The following TRPM3 variants were observed in gnomAD, a reference collection of about 807,000 sequenced individuals.
TRPM3 encodes long transient receptor potential channel 3.
In TRPM3, 77 loss-of-function variants were observed where a neutral mutation model predicts 181.2. That is an observed-to-expected ratio of 0.42 (90% CI 0.35 to 0.51). TRPM3 has a LOEUF of 0.51. TRPM3 is among the 20% of genes least tolerant of loss of function. The pLI, the probability that TRPM3 is intolerant of heterozygous loss-of-function variation, is 0.01. For missense variants in TRPM3, 1,759 were observed against 2,196.7 expected, an observed-to-expected ratio of 0.80 and a Z score of 3.98; for synonymous variants, 745 against 796.4, an observed-to-expected ratio of 0.94 and a Z score of 1.09.
At chr9:71,206,932 A>G (rs554860874) in intron 1 of TRPM3, among the ~76,000 whole-genome samples, 26 of 152,210 alleles carry the variant, frequency 1.7e-4, no homozygotes, top group Middle Eastern at 6.8e-3. Context: ...ACTTACATCA[A>G]GGACTAACTC....
At position 71,121,220 on chromosome 9, in the gene TRPM3, C is replaced by T. The variant is rs1366727244; in HGVS notation, c.135G>A (p.Lys45=). 1.2e-6 allele frequency: 2 copies of T among 1,614,134 alleles called. No individual in the cohort carries two copies. Among genetic ancestry groups the T allele is most frequent in the Admixed American group, 1.7e-5 (1 of 60,018 alleles). Residue 45 remains lysine, a synonymous_variant, in exon 1 of 26, where the codon AAG becomes AAA. Transcript: ENST00000677713. ...APRPLNWTIR[K]LCHAAFLPSV... The stretch of plus-strand genomic sequence containing the variant: ...ATGGAAGAAAGGCTGCGTGGCACAG[C>T]TTCCGGATGGTCCAGTTTAGGGGTC...
intron 1 of TRPM3, among the ~76,000 whole-genome samples, chr9:71,166,047 G>A (rs747325751): frequency 1.8e-4 from 28 of 152,090 alleles, no homozygotes; most frequent in South Asian, 4.1e-4. Context: ...GCATGTCAGC[G>A]GACACAGAAG....
chr9:70,673,678 C>T (rs980670151), intron 9 of TRPM3, among the ~76,000 whole-genome samples: 1 of 152,126 alleles, frequency 6.6e-6, no homozygotes, highest in African/African-American at 2.4e-5. Context: ...CCTGTAATCC[C>T]AGCACTTTGG....
rs111347020 is a variant in TRPM3 at position 71,294,688 on chromosome 9, C to T, written c.183+151965G>A. On this transcript the variant is annotated intron_variant, in intron 1 of 24. Transcript: ENST00000357533. ...TGTACTAGGAGACATGAGAAAATGTCCACAAAAACATCAGTCATTATAGCA... is the reference window on the plus strand; with the variant it reads ...TGTACTAGGAGACATGAGAAAATGTTCACAAAAACATCAGTCATTATAGCA... Among the ~76,000 whole-genome samples the T allele has an allele frequency of 2.6e-3, 399 of 152,152 alleles. 2 individuals carry two copies. Among genetic ancestry groups the T allele is most frequent in the Non-Finnish European group, 4.6e-3 (311 of 67,944 alleles).
rs116712594 is a variant in TRPM3 at position 71,339,051 on chromosome 9, G to T, written c.183+107602C>A. Among the ~76,000 whole-genome samples, 1,249 of 151,938 alleles carry T rather than the reference G, an allele frequency of 8.2e-3. 23 individuals carry two copies. The highest frequency in any genetic ancestry group is 0.029 in the African/African-American group (1,188 of 41,450). On this transcript the variant is annotated intron_variant, in intron 1 of 24. Coordinates refer to the TRPM3 transcript ENST00000357533. ...GATATAAACTTAGGATGCTAAAAAA[G>T]AATCAATACTTCTTACAGAGTAAGA...
At position 71,038,955 on chromosome 9, in the gene TRPM3, A is replaced by G. The variant is rs185953765; in HGVS notation, c.177+82223T>C. Among the ~76,000 whole-genome samples, 14 of 152,320 alleles carry G rather than the reference A, an allele frequency of 9.2e-5. No individual in the cohort carries two copies. The East Asian group carries it at 2.5e-3, about 27-fold the overall frequency. On this transcript the variant is annotated intron_variant, in intron 1 of 25. Coordinates refer to ENST00000677713, the MANE Select transcript of TRPM3 (RefSeq NM_001366145.2). Reference sequence around the variant, plus strand: ...CACGAGGCAGTGGTAAAACAGTATCACTATTTGACCCTGTCCTCAGTGCAT... The same window carrying G: ...CACGAGGCAGTGGTAAAACAGTATCGCTATTTGACCCTGTCCTCAGTGCAT...
chr9:70,560,659 C>T (rs936024957), intron 22 of TRPM3, among the ~76,000 whole-genome samples: 2 of 152,158 alleles, frequency 1.3e-5, no homozygotes, highest in Non-Finnish European at 2.9e-5. Flanking sequence ...GAAGAAGGAG[C>T]CAACGTGGGA....
chr9:71,323,455 A>C (rs1478979274), intron 1 of TRPM3, among the ~76,000 whole-genome samples: 1 of 152,106 alleles, frequency 6.6e-6, no homozygotes, highest in East Asian at 1.9e-4. Flanking sequence ...CAAATGAGAA[A>C]ATTGATCTGA....
At chr9:70,830,663 C>T (rs1173567781) in intron 5 of TRPM3, among the ~76,000 whole-genome samples, 2 of 152,114 alleles carry the variant, frequency 1.3e-5, no homozygotes, top group South Asian at 2.1e-4. Context: ...TGTGCTGAAT[C>T]GTGGAATAAT....
At chr9:70,881,612 G>A (rs552748075) in intron 1 of TRPM3, among the ~76,000 whole-genome samples, 5 of 152,314 alleles carry the variant, frequency 3.3e-5, no homozygotes, top group Admixed American at 2.6e-4. Flanking sequence ...AAGTACCATC[G>A]AGTGAGGTAG....
rs71367227 is a variant in TRPM3 at position 70,786,311 on chromosome 9, CAAAAAA to C, written c.974-2038_974-2033del. 8.7e-3 allele frequency among the ~76,000 whole-genome samples: 473 copies of C among 54,480 alleles called. 9 individuals are homozygous for C. The highest frequency in any genetic ancestry group is 0.031 in the African/African-American group (446 of 14,288). The allele number at this position is 54,480 out of a possible 152,430, so 35.7% of individuals were successfully genotyped here. On this transcript the variant is annotated intron_variant, in intron 6 of 25. Coordinates refer to ENST00000677713, the MANE Select transcript of TRPM3 (RefSeq NM_001366145.2). ...GAAACCCTGTCACTACTAAAAATAC[CAAAAAA>C]AAAAAAAAAAAAAAAAAATTAGCTG... is the stretch of plus-strand genomic sequence containing the variant.
At chr9:70,924,103 T>C (rs2096694547) in intron 1 of TRPM3, among the ~76,000 whole-genome samples, 1 of 152,056 alleles carries the variant, frequency 6.6e-6, no homozygotes, top group African/African-American at 2.4e-5. Flanking sequence ...TCTGCAGACA[T>C]TTTTGGTTGT....
rs191416504 is a variant in TRPM3 at position 70,773,665 on chromosome 9, A to G, written c.1148+10440T>C. ...AGCATTTTTCATAGGCAATTGCTCA[A>G]TTAGCTTGTCTCTCAGTCCAGATCC... On this transcript the variant is annotated intron_variant, in intron 7 of 25. Transcript: ENST00000677713. 5.3e-5 allele frequency among the ~76,000 whole-genome samples: 8 copies of G among 152,296 alleles called. No individual in the cohort carries two copies. The East Asian group carries it at 1.5e-3, about 29-fold the overall frequency.
At chr9:70,740,062 C>G (rs914890980) in intron 8 of TRPM3, among the ~76,000 whole-genome samples, 8 of 152,100 alleles carry the variant, frequency 5.3e-5, no homozygotes, top group Non-Finnish European at 1.0e-4. Context: ...GATCATATAC[C>G]TAGAAAACTC....
At chr9:71,424,532 G>A (rs945092708) in intron 1 of TRPM3, among the ~76,000 whole-genome samples, 6 of 152,112 alleles carry the variant, frequency 3.9e-5, no homozygotes, top group African/African-American at 9.7e-5. Flanking sequence ...GACAGATCTA[G>A]TCAGTTGCAA....
At chr9:71,357,668 C>G (rs1484281085) in intron 1 of TRPM3, among the ~76,000 whole-genome samples, 1 of 151,686 alleles carries the variant, frequency 6.6e-6, no homozygotes, top group Non-Finnish European at 1.5e-5. Context: ...ATCATGCTGT[C>G]TGCTCACTGG....
At position 71,039,835 on chromosome 9, in the gene TRPM3, T is replaced by C. The variant is rs562491528; in HGVS notation, c.177+81343A>G. The stretch of plus-strand genomic sequence containing the variant: ...ATCATTATCATTATGTATCATTGTA[T>C]GCTATAGTTATTAGTATTACATCCT... On this transcript the variant is annotated intron_variant, in intron 1 of 25. Coordinates refer to ENST00000677713, the MANE Select transcript of TRPM3 (RefSeq NM_001366145.2). Among the ~76,000 whole-genome samples, 4 of 152,306 alleles carry C rather than the reference T, an allele frequency of 2.6e-5. No individual in the cohort carries two copies. The South Asian group carries it at 8.3e-4, about 32-fold the overall frequency.
chr9:71,230,225 CTT>C (rs1437614926), intron 1 of TRPM3, among the ~76,000 whole-genome samples: 7 of 152,166 alleles, frequency 4.6e-5, no homozygotes, highest in African/African-American at 1.4e-4. Context: ...GAAAGACAAA[CTT>C]TGCATATTCT....
At chr9:70,677,823 G>C (rs2064392991) in intron 9 of TRPM3, among the ~76,000 whole-genome samples, 1 of 152,088 alleles carries the variant, frequency 6.6e-6, no homozygotes. Context: ...ATGGAAAAGG[G>C]ATCGCCCCCT....
Sources: allele counts gnomAD v4.1 joint callset (sites outside exome capture counted in the v4.1 genomes callset), GRCh38; gene constraint gnomAD v4.1.1; transcripts MANE v1.5; gene names NCBI Gene and HGNC (gene_info 2026-07-23, HGNC 2026-07-21).